Variants in FAM107B observed in about 807,000 individuals in gnomAD.
FAM107B encodes the protein family with sequence similarity 107 member B.
FAM107B carries 21 observed loss-of-function variants against 31.5 expected under a neutral mutation model. The ratio of observed to expected loss-of-function variants is 0.67; its 90% CI spans 0.47 to 0.96. The LOEUF (loss-of-function observed/expected upper bound fraction) is 0.96, where lower values mean the gene tolerates loss of function less well. FAM107B is among the 40% of genes least tolerant of loss of function. The pLI is 0.00. For synonymous variants in FAM107B, 157 were observed against 141.5 expected (o/e 1.11, Z -0.78); for missense variants, 452 against 377.1 (o/e 1.20, Z -1.64).
At chr10:14,633,081 C>T (rs1853409590) in intron 2 of FAM107B, among the ~76,000 whole-genome samples, 2 of 151,974 alleles carry the variant, frequency 1.3e-5, no homozygotes, top group South Asian at 4.2e-4. Context: ...TGCCTGTAAT[C>T]CCAGCTACTC....
chr10:14,767,147 C>T (rs1223116435), intron 1 of FAM107B, among the ~76,000 whole-genome samples: 6 of 142,662 alleles, frequency 4.2e-5, no homozygotes, highest in South Asian at 2.3e-4. Flanking sequence ...CAGGCTGGAG[C>T]GCAGTGCCAC....
At chr10:14,686,113 G>A (rs949385086) in intron 1 of FAM107B, among the ~76,000 whole-genome samples, 1 of 152,158 alleles carries the variant, frequency 6.6e-6, no homozygotes, top group Non-Finnish European at 1.5e-5. Flanking sequence ...TTGGGGCCGG[G>A]TTCAGTGACT....
At chr10:14,684,797 C>T (rs558567689) in intron 1 of FAM107B, among the ~76,000 whole-genome samples, 5 of 149,554 alleles carry the variant, frequency 3.3e-5, no homozygotes, top group Admixed American at 6.7e-5. Context: ...AGATGATTTC[C>T]TTTCACTTCT....
intron 2 of FAM107B, among the ~76,000 whole-genome samples, chr10:14,603,101 G>A (rs999426281): frequency 1.3e-5 from 2 of 151,906 alleles, no homozygotes; most frequent in Non-Finnish European, 2.9e-5. Flanking sequence ...TTTGGGTGGT[G>A]AGCATATGAG....
chr10:14,690,599 C>T (rs1163533153), intron 1 of FAM107B, among the ~76,000 whole-genome samples: 4 of 152,040 alleles, frequency 2.6e-5, no homozygotes, highest in African/African-American at 7.2e-5. Context: ...ACTACAGTTG[C>T]GCGCCACCAT....
rs117457610 is a variant in FAM107B at position 14,692,922 on chromosome 10, T to C, written c.412-25231A>G. 3.3e-3 allele frequency among the ~76,000 whole-genome samples: 504 copies of C among 152,356 alleles called. 8 individuals are homozygous for C. In the East Asian group the frequency reaches 0.048, roughly 15 times the overall value. On this transcript the variant is annotated intron_variant, in intron 1 of 4. Coordinates refer to ENST00000181796, the MANE Select transcript of FAM107B (RefSeq NM_031453.4). ...AGGTGGTTCATAGAGTTATAGATCT[T>C]ATAGCTAGAAACAACCTCAAGAGAT...
chr10:14,641,872 C>A (rs1428748503), intron 2 of FAM107B, among the ~76,000 whole-genome samples: 1 of 152,160 alleles, frequency 6.6e-6, no homozygotes, highest in African/African-American at 2.4e-5. Context: ...ATATTCATTC[C>A]ATTTCAACAG....
Position 14,737,264 on chromosome 10 carries a change from G to A in FAM107B, c.411+36989C>T, listed in dbSNP as rs76199126. ...GGGATGATATGGGGAGAAAAAGGAG[G>A]TGAGAGAGAAAGAGAGGAGTGGAGA... On this transcript the variant is annotated intron_variant, in intron 1 of 4. Transcript: ENST00000181796. Among the ~76,000 whole-genome samples, 1,244 of 151,966 alleles carry A rather than the reference G, an allele frequency of 8.2e-3. 74 individuals carry two copies. In the East Asian group the frequency reaches 0.16, roughly 19 times the overall value.
chr10:14,662,468 C>CT (rs1317923898), intron 2 of FAM107B, among the ~76,000 whole-genome samples: 2 of 151,980 alleles, frequency 1.3e-5, no homozygotes, highest in South Asian at 4.2e-4. Context: ...CTTCGACCAC[C>CT]TGGGCTCAAG....
At chr10:14,683,448 C>G (rs918519475) in intron 1 of FAM107B, among the ~76,000 whole-genome samples, 4 of 152,178 alleles carry the variant, frequency 2.6e-5, no homozygotes, top group Admixed American at 6.5e-5. Flanking sequence ...AAACAACATT[C>G]GTTGCACGGT....
chr10:14,752,324 G>A (rs1327499945), intron 1 of FAM107B, among the ~76,000 whole-genome samples: 1 of 152,194 alleles, frequency 6.6e-6, no homozygotes, highest in Non-Finnish European at 1.5e-5. Context: ...CTCCCTCCAG[G>A]GAGGAAGGAC....
chr10:14,567,175 A>AAAAT (rs950641545), intron 2 of FAM107B, among the ~76,000 whole-genome samples: 4 of 152,152 alleles, frequency 2.6e-5, no homozygotes, highest in African/African-American at 9.7e-5. Flanking sequence ...TAAATAAATA[A>AAAAT]AAATAAATAA....
At chr10:14,684,947 A>G (rs1420037168) in intron 1 of FAM107B, among the ~76,000 whole-genome samples, 1 of 151,590 alleles carries the variant, frequency 6.6e-6, no homozygotes, top group South Asian at 2.1e-4. Context: ...CAACCTTCCA[A>G]TCAGCTGGGA....
At chr10:14,626,133 T>C (rs1271451973) in intron 2 of FAM107B, among the ~76,000 whole-genome samples, 5 of 152,194 alleles carry the variant, frequency 3.3e-5, no homozygotes, top group African/African-American at 7.2e-5. Context: ...TCTTCTCTTA[T>C]GGTAATGATT....
intron 1 of FAM107B, among the ~76,000 whole-genome samples, chr10:14,681,075 C>T (rs1469446629): frequency 6.6e-6 from 1 of 152,192 alleles, no homozygotes; most frequent in Admixed American, 6.5e-5. Context: ...AGGTGACTTT[C>T]TCTATCACTT....
intron 2 of FAM107B, among the ~76,000 whole-genome samples, chr10:14,622,882 A>T (rs1248705281): frequency 1.3e-5 from 2 of 152,152 alleles, no homozygotes; most frequent in Non-Finnish European, 2.9e-5. Flanking sequence ...AATCACAGGG[A>T]TTTCTTTCCT....
intron 1 of FAM107B, among the ~76,000 whole-genome samples, chr10:14,698,609 G>A (rs562088034): frequency 6.6e-6 from 1 of 152,098 alleles, no homozygotes; most frequent in South Asian, 2.1e-4. Flanking sequence ...TGGACATGCC[G>A]GGGCTCAAAA....
At position 14,707,691 on chromosome 10, in the gene FAM107B, C is replaced by A. The variant is rs139632520; in HGVS notation, c.412-40000G>T. 4.1e-4 allele frequency among the ~76,000 whole-genome samples: 62 copies of A among 152,294 alleles called. No homozygotes were observed. In the East Asian group the frequency reaches 0.011, roughly 27 times the overall value. On this transcript the variant is annotated intron_variant, in intron 1 of 4. Transcript: ENST00000181796. ...CACATGGCTGCCTTCAGTGGGAGGG[C>A]CCAAGTATGTATTCTTGTTTTCTTT...
chr10:14,605,081 A>C (rs1852555018), intron 2 of FAM107B, among the ~76,000 whole-genome samples: 2 of 152,322 alleles, frequency 1.3e-5, no homozygotes, highest in South Asian at 4.1e-4. Flanking sequence ...AAGAAAACGC[A>C]GACAGAATCA....
Sources: allele counts gnomAD v4.1 joint callset (sites outside exome capture counted in the v4.1 genomes callset), GRCh38; gene constraint gnomAD v4.1.1; transcripts MANE v1.5; gene names NCBI Gene and HGNC (gene_info 2026-07-23, HGNC 2026-07-21).